CNTLN: variants seen among roughly 807,000 people sequenced by gnomAD.
CNTLN encodes the protein centlein, centrosomal protein.
Under a neutral mutation model 180.0 loss-of-function variants are expected in CNTLN, and 212 were observed. That is an observed-to-expected ratio of 1.18 (90% confidence interval 1.05 to 1.32). The LOEUF is 1.32. Among genes scored for constraint, CNTLN ranks in the 40% most tolerant of loss-of-function variants. The probability of loss-of-function intolerance (pLI) is 0.00; values close to 1 mark genes in which losing one functional copy is unlikely to be tolerated. For synonymous variants in CNTLN, 722 were observed against 563.1 expected, an observed-to-expected ratio of 1.28 and a Z score of -3.99; for missense variants, 2,095 against 1,610.9, an observed-to-expected ratio of 1.30 and a Z score of -5.14.
chr9:17,356,117 C>T (rs1479353326), intron 12 of CNTLN, among the ~76,000 whole-genome samples: 3 of 150,862 alleles, frequency 2.0e-5, no homozygotes, highest in Admixed American at 1.3e-4. Flanking sequence ...AAAAGCATTG[C>T]ATATCATAAG....
intron 5 of CNTLN, among the ~76,000 whole-genome samples, chr9:17,266,178 G>C (rs1194232072): frequency 6.6e-6 from 1 of 151,996 alleles, no homozygotes; most frequent in African/African-American, 2.4e-5. Flanking sequence ...GGCATTTAGT[G>C]CTATAAATTT....
At position 17,354,380 on chromosome 9, in the gene CNTLN, G is replaced by A. The variant is rs554193590; in HGVS notation, c.1886+11936G>A. ...TGCAGCCCCGGTGCGGGATCCACTG[G>A]GTGAAGCCAGCTGGGCTTCTGAGTC... On this transcript the variant is annotated intron_variant, in intron 12 of 25. Transcript: ENST00000380647. Among the ~76,000 whole-genome samples, 19 of 152,330 alleles carry A rather than the reference G, an allele frequency of 1.2e-4. 1 individual carries two copies. Among genetic ancestry groups the A allele is most frequent in the African/African-American group, 4.1e-4 (17 of 41,584 alleles).
chr9:17,210,289 C>T (rs180920416), intron 2 of CNTLN, among the ~76,000 whole-genome samples: 26 of 152,258 alleles, frequency 1.7e-4, no homozygotes, highest in Non-Finnish European at 3.5e-4. Context: ...GTTCAATTCC[C>T]ACCTGTGAGT....
At position 17,170,745 on chromosome 9, in the gene CNTLN, C is replaced by T. The variant is rs538058961; in HGVS notation, c.449+27369C>T. Among the ~76,000 whole-genome samples, 16 of 151,898 alleles carry T rather than the reference C, an allele frequency of 1.1e-4. No homozygotes were observed. In the South Asian group the frequency reaches 2.5e-3, roughly 24 times the overall value. On this transcript the variant is annotated intron_variant, in intron 2 of 25. Transcript: ENST00000380647. ...CATCCATCTGTGTTCTCTTGTAGCT[C>T]GGTGGGCTTCCTTGAAACAATTAGA...
chr9:17,226,301 TA>T lies in CNTLN; in HGVS notation c.534+19del. ...GAATTTGAACAGGTTGGTGTTATAATAAAAATATTTAAATTAACTATATTTG... is the reference window on the plus strand; with the variant it reads ...GAATTTGAACAGGTTGGTGTTATAATAAAATATTTAAATTAACTATATTTG... On this transcript the variant is annotated intron_variant, in intron 3 of 25. Coordinates refer to ENST00000380647, the MANE Select transcript of CNTLN (RefSeq NM_017738.4). 1 of 1,372,106 alleles carries T rather than the reference TA, an allele frequency of 7.3e-7. No homozygotes were observed. The allele number at this position is 1,372,106 out of a possible 1,614,324, so 85.0% of individuals were successfully genotyped here.
chr9:17,332,666 A>C lies in CNTLN; in HGVS notation c.1580A>C (p.Glu527Ala). 1 of 1,608,816 alleles carries C rather than the reference A, an allele frequency of 6.2e-7. No individual in the cohort carries two copies. The highest frequency in any genetic ancestry group is 8.5e-7 in the Non-Finnish European group (1 of 1,177,906). Residue 527 changes from glutamate (E) to alanine (A), a missense_variant, in exon 10 of 26, where the codon GAG (glutamate) becomes GCG (alanine). By Grantham distance (107) the Glu-to-Ala change is moderately radical. Transcript: ENST00000380647. ...AAGAGCTCTTTCACAGACTCAGAAG[A>C]GCTACAGAAGCTGAGAAAAGCTGAA... ...SPKSSFTDSE[E>A]LQKLRKAERK...
chr9:17,302,064 A>G (rs910973996), intron 7 of CNTLN: 5 of 984,380 alleles, frequency 5.1e-6, no homozygotes, highest in East Asian at 1.1e-4. Context: ...ACTATTCATT[A>G]TAGTGTACTG....
intron 18 of CNTLN, among the ~76,000 whole-genome samples, chr9:17,435,482 A>T (rs190994109): frequency 6.6e-6 from 1 of 152,242 alleles, no homozygotes; most frequent in East Asian, 1.9e-4. Context: ...AAAAGATGGT[A>T]GGAGGAGCAT....
intron 2 of CNTLN, among the ~76,000 whole-genome samples, chr9:17,196,213 G>A (rs914911832): frequency 3.3e-5 from 5 of 151,972 alleles, no homozygotes; most frequent in Non-Finnish European, 5.9e-5. Flanking sequence ...TGAGAGGCAC[G>A]GGGTTTCATC....
At chr9:17,272,267 G>C (rs1416591449) in intron 5 of CNTLN, among the ~76,000 whole-genome samples, 1 of 151,998 alleles carries the variant, frequency 6.6e-6, no homozygotes, top group Non-Finnish European at 1.5e-5. Flanking sequence ...AGTAGAGGCG[G>C]GGTTTCACCA....
intron 10 of CNTLN, among the ~76,000 whole-genome samples, chr9:17,335,228 A>C (rs984907655): frequency 6.6e-6 from 1 of 152,200 alleles, no homozygotes; most frequent in Admixed American, 6.5e-5. Context: ...GATTAGATAA[A>C]AAATTATTGG....
intron 11 of CNTLN, among the ~76,000 whole-genome samples, chr9:17,341,492 G>C (rs1821477577): frequency 6.6e-6 from 1 of 152,116 alleles, no homozygotes; most frequent in Admixed American, 6.6e-5. Context: ...GCTCTGAACA[G>C]GTGTTCAGAT....
At chr9:17,522,339 C>A in the CNTLN span, among the ~76,000 whole-genome samples, 1 of 152,110 alleles carries the variant, frequency 6.6e-6, no homozygotes, top group Admixed American at 6.5e-5. Context: ...CCTCAAACAG[C>A]CCTATAAGGA....
At chr9:17,147,659 TGTG>T (rs1442018227) in intron 2 of CNTLN, among the ~76,000 whole-genome samples, 1 of 152,208 alleles carries the variant, frequency 6.6e-6, no homozygotes, top group Non-Finnish European at 1.5e-5. Flanking sequence ...ATTTATTTAA[TGTG>T]GTGTGACTTG....
At chr9:17,305,582 G>A (rs996990690) in intron 7 of CNTLN, among the ~76,000 whole-genome samples, 1 of 151,278 alleles carries the variant, frequency 6.6e-6, no homozygotes, top group East Asian at 1.9e-4. Flanking sequence ...AATCTACCCA[G>A]GGCACTGGAA....
At chr9:17,388,327 C>A in intron 14 of CNTLN, 74 bp downstream of exon 14, 1 of 982,514 alleles carries the variant, frequency 1.0e-6, no homozygotes, top group Non-Finnish European at 1.5e-6. Flanking sequence ...TATTTTAAAA[C>A]GAGGGCTTGT....
intron 16 of CNTLN, among the ~76,000 whole-genome samples, chr9:17,412,483 GT>G (rs1282154573): frequency 6.6e-6 from 1 of 152,150 alleles, no homozygotes; most frequent in Non-Finnish European, 1.5e-5. Context: ...TCTACTTTAT[GT>G]TGGTGTGAAA....
chr9:17,146,047 C>G (rs975737890), intron 2 of CNTLN, among the ~76,000 whole-genome samples: 3 of 152,130 alleles, frequency 2.0e-5, no homozygotes, highest in Non-Finnish European at 4.4e-5. Flanking sequence ...TCCTAGATAA[C>G]TTGCTTGAAG....
intron 2 of CNTLN, among the ~76,000 whole-genome samples, chr9:17,198,633 C>T (rs1456466034): frequency 1.3e-5 from 2 of 148,410 alleles, no homozygotes; most frequent in Non-Finnish European, 3.0e-5. Flanking sequence ...GATACACGTG[C>T]AGAATATGCA....
Sources: allele counts gnomAD v4.1 joint callset (sites outside exome capture counted in the v4.1 genomes callset), GRCh38; gene constraint gnomAD v4.1.1; transcripts MANE v1.5; gene names NCBI Gene and HGNC (gene_info 2026-07-23, HGNC 2026-07-21).